Variants in ACSL1 observed in about 807,000 individuals in gnomAD.
ACSL1 encodes the protein acyl-CoA synthetase long chain family member 1.
ACSL1 carries 41 observed loss-of-function variants against 98.4 expected under a neutral mutation model. The observed-to-expected ratio is 0.42, with a 90% CI of 0.32 to 0.54. The LOEUF is 0.54. ACSL1 is among the 20% of genes least tolerant of loss of function. ACSL1 has a pLI of 0.13. For synonymous variants in ACSL1, 316 were observed against 322.7 expected (o/e 0.98, Z 0.22); for missense variants, 734 against 883.1 (o/e 0.83, Z 2.14).
intron 2 of ACSL1, among the ~76,000 whole-genome samples, chr4:184,793,855 T>C (rs1458131482): frequency 6.6e-6 from 1 of 152,232 alleles, no homozygotes; most frequent in African/African-American, 2.4e-5. Flanking sequence ...ATGTGGTCTA[T>C]ACAGCTGTTC....
At chr4:184,760,121 T>C (rs1381958182) in intron 18 of ACSL1, among the ~76,000 whole-genome samples, 1 of 152,190 alleles carries the variant, frequency 6.6e-6, no homozygotes, top group Admixed American at 6.5e-5. Flanking sequence ...CAACCTCCCC[T>C]TGGTACATCA....
intron 7 of ACSL1, among the ~76,000 whole-genome samples, chr4:184,774,657 C>A (rs945776269): frequency 6.6e-6 from 1 of 152,240 alleles, no homozygotes; most frequent in African/African-American, 2.4e-5. Flanking sequence ...TATTTATATT[C>A]TTTTCCTATT....
At chr4:184,802,504 G>A (rs929778798) in intron 2 of ACSL1, among the ~76,000 whole-genome samples, 1 of 152,090 alleles carries the variant, frequency 6.6e-6, no homozygotes, top group African/African-American at 2.4e-5. Context: ...GAAAGCAAGC[G>A]ACCACAGAGA....
intron 2 of ACSL1, among the ~76,000 whole-genome samples, chr4:184,793,513 A>G (rs1410003395): frequency 6.6e-6 from 1 of 152,242 alleles, no homozygotes; most frequent in African/African-American, 2.4e-5. Flanking sequence ...TCTTAGGGGT[A>G]GAGAAGCCCA....
chr4:184,764,255 CCT>C (rs1763256661), intron 15 of ACSL1, among the ~76,000 whole-genome samples: 1 of 152,200 alleles, frequency 6.6e-6, no homozygotes, highest in South Asian at 2.1e-4. Context: ...TCTATAATTT[CCT>C]CTGAGAAGTA....
At chr4:184,779,451 T>G (rs1765864844) in intron 5 of ACSL1, among the ~76,000 whole-genome samples, 1 of 152,190 alleles carries the variant, frequency 6.6e-6, no homozygotes, top group Non-Finnish European at 1.5e-5. Flanking sequence ...AGGTATGTCT[T>G]TATCAGCAGC....
chr4:184,799,584 AC>A (rs1374378184), intron 2 of ACSL1, among the ~76,000 whole-genome samples: 2 of 152,126 alleles, frequency 1.3e-5, no homozygotes, highest in African/African-American at 4.8e-5. Context: ...GCTGTGGCTC[AC>A]ACCTGTAATC....
chr4:184,793,135 G>T (rs1996546), intron 2 of ACSL1, among the ~76,000 whole-genome samples: 20,605 of 150,828 alleles, frequency 0.14, 1,499 homozygotes, highest in African/African-American at 0.16. Flanking sequence ...GCAGGCTTTA[G>T]GAGTCTTTTA....
chr4:184,790,334 T>C (rs1178792723), intron 2 of ACSL1, among the ~76,000 whole-genome samples: 1 of 152,260 alleles, frequency 6.6e-6, no homozygotes, highest in African/African-American at 2.4e-5. Flanking sequence ...GGAAAAATGA[T>C]GACTATTAGT....
chr4:184,804,505 A>T (rs1344017182), intron 1 of ACSL1, among the ~76,000 whole-genome samples: 1 of 151,320 alleles, frequency 6.6e-6, no homozygotes, highest in Non-Finnish European at 1.5e-5. Context: ...GCCTGAATCC[A>T]GGAGGCAGAG....
At chr4:184,806,100 C>T (rs555222801) in intron 1 of ACSL1, among the ~76,000 whole-genome samples, 79 of 152,262 alleles carry the variant, frequency 5.2e-4, no homozygotes, top group Middle Eastern at 6.8e-3. Context: ...TTTGGCCAGG[C>T]GCTGGGAAGA....
chr4:184,763,179 C>T lies in ACSL1; in HGVS notation c.1509G>A (p.Glu503=). The change falls in exon 16 of 21, where the codon GAG becomes GAA. Residue 503 remains glutamate, a synonymous_variant. Coordinates refer to ENST00000281455, the MANE Select transcript of ACSL1 (RefSeq NM_001995.5). The stretch of plus-strand genomic sequence containing the variant: ...GGTTTTCACTCACCTCGCCCTCGCC[C>T]TCGGCAGCCATGTAATTCATTTCTT... ...DVEEMNYMAA[E]GEGEVCVKGP... is the part of the protein sequence containing the mutation. The T allele has an allele frequency of 6.2e-7, 1 of 1,613,628 alleles. No individual in the cohort carries two copies. Among genetic ancestry groups the T allele is most frequent in the South Asian group, 1.1e-5 (1 of 90,870 alleles).
intron 1 of ACSL1, chr4:184,812,147 G>C: frequency 1.0e-6 from 1 of 979,554 alleles, no homozygotes; most frequent in Non-Finnish European, 1.2e-6. Context: ...AGCACCTCCT[G>C]TCTTACACTT....
intron 17 of ACSL1, among the ~76,000 whole-genome samples, chr4:184,761,577 T>C (rs1027558839): frequency 3.9e-5 from 6 of 152,210 alleles, no homozygotes; most frequent in Middle Eastern, 3.2e-3. Flanking sequence ...AGTAAATGGT[T>C]CTGAGACTAC....
chr4:184,823,843 A>G (rs1773253504), intron 1 of ACSL1, among the ~76,000 whole-genome samples: 1 of 152,206 alleles, frequency 6.6e-6, no homozygotes, highest in African/African-American at 2.4e-5. Flanking sequence ...AATTACGTTC[A>G]TTTTTCTGCA....
intron 1 of ACSL1, among the ~76,000 whole-genome samples, chr4:184,816,258 A>C (rs1235237533): frequency 6.6e-6 from 1 of 152,202 alleles, no homozygotes; most frequent in African/African-American, 2.4e-5. Flanking sequence ...GGAAGACCTC[A>C]GTGGTGTTGG....
chr4:184,825,177 A>G lies in ACSL1; in HGVS notation c.-33+739T>C. On this transcript the variant is annotated intron_variant, in intron 1 of 20. Coordinates refer to ENST00000281455, the MANE Select transcript of ACSL1 (RefSeq NM_001995.5). This position sits in a 1 kb window ranked among gnomAD's most constrained non-coding sequence, Gnocchi z 4.7. ...CTCTCACAACGCACCGACTGGGGGAACGCCTGTCCCCAGACTCGAATCCAC... is the reference window on the plus strand; with the variant it reads ...CTCTCACAACGCACCGACTGGGGGAGCGCCTGTCCCCAGACTCGAATCCAC... 1.0e-6 allele frequency: 1 copy of G among 985,282 alleles called. No homozygotes were observed. The highest frequency in any genetic ancestry group is 1.2e-6 in the Non-Finnish European group (1 of 829,880). The allele number at this position is 985,282 out of a possible 1,614,324, so 61.0% of individuals were successfully genotyped here.
intron 4 of ACSL1, among the ~76,000 whole-genome samples, chr4:184,782,819 C>G (rs892043851): frequency 5.3e-5 from 8 of 152,134 alleles, no homozygotes; most frequent in African/African-American, 1.9e-4. Context: ...CTGTCGACCC[C>G]AGAGGACGGA....
intron 2 of ACSL1, among the ~76,000 whole-genome samples, chr4:184,793,787 T>C (rs988191789): frequency 2.6e-5 from 4 of 152,212 alleles, no homozygotes; most frequent in Admixed American, 1.3e-4. Context: ...CAAAGGAGCA[T>C]GTAGAACCAC....
Sources: allele counts gnomAD v4.1 joint callset (sites outside exome capture counted in the v4.1 genomes callset), GRCh38; gene constraint gnomAD v4.1.1; non-coding constraint Gnocchi (gnomAD v3.1); transcripts MANE v1.5; gene names NCBI Gene and HGNC (gene_info 2026-07-23, HGNC 2026-07-21).